The following ZNF704 variants were observed in gnomAD, a reference collection of about 807,000 sequenced individuals.
ZNF704 encodes the protein zinc finger protein 704, also known as glucocorticoid induced gene 1.
Under a neutral mutation model 44.7 loss-of-function variants are expected in ZNF704, and 10 were observed. The ratio of observed to expected loss-of-function variants is 0.22; its 90% CI spans 0.14 to 0.38. The LOEUF (loss-of-function observed/expected upper bound fraction) is 0.38, where lower values mean the gene tolerates loss of function less well. Among genes scored for constraint, ZNF704 ranks in the 10% least tolerant of loss-of-function variants. The probability of loss-of-function intolerance (pLI) is 1.00; values close to 1 mark genes in which losing one functional copy is unlikely to be tolerated. For missense variants in ZNF704, 390 were observed against 545.5 expected (o/e 0.71, Z 2.84); for synonymous variants, 211 against 207.6 (o/e 1.02, Z -0.14).
intron 7 of ZNF704, among the ~76,000 whole-genome samples, chr8:80,658,054 AG>A (rs1486757260): frequency 2.0e-5 from 3 of 152,178 alleles, no homozygotes; most frequent in Non-Finnish European, 2.9e-5. Context: ...GCTAGTAAAG[AG>A]CCCCTCAGAG....
At chr8:80,695,074 T>C (rs969289941) in intron 2 of ZNF704, among the ~76,000 whole-genome samples, 1 of 152,242 alleles carries the variant, frequency 6.6e-6, no homozygotes, top group Non-Finnish European at 1.5e-5. Flanking sequence ...ATCCCTGTAC[T>C]TGGGAGTAAA....
rs1197889257 is a variant in ZNF704 at position 80,684,654 on chromosome 8, T to G, written c.558+2572A>C. ...CTTTTGAAACATGATTTTTTAAATC[T>G]CTAAAATAACTGTATTACAGTTACT... On this transcript the variant is annotated intron_variant, in intron 4 of 8. Transcript: ENST00000327835. Among the ~76,000 whole-genome samples, 3 of 152,210 alleles carry G rather than the reference T, an allele frequency of 2.0e-5. No homozygotes were observed. The East Asian group carries it at 5.8e-4, about 29-fold the overall frequency.
At chr8:80,693,542 T>A (rs1015093895) in intron 2 of ZNF704, among the ~76,000 whole-genome samples, 13 of 152,216 alleles carry the variant, frequency 8.5e-5, no homozygotes, top group African/African-American at 2.9e-4. Context: ...CAGGCTAACG[T>A]GACAGTGCCT....
intron 7 of ZNF704, among the ~76,000 whole-genome samples, chr8:80,645,455 T>C: frequency 6.6e-6 from 1 of 152,182 alleles, no homozygotes; most frequent in East Asian, 1.9e-4. Context: ...TGTGTGTCTC[T>C]GCCTGAATTT....
intron 1 of ZNF704, among the ~76,000 whole-genome samples, chr8:80,837,147 C>T (rs1381944798): frequency 6.6e-6 from 1 of 151,972 alleles, no homozygotes; most frequent in East Asian, 1.9e-4. Context: ...TCACAGAATC[C>T]CTCAGGCTAA....
At chr8:80,817,620 A>C (rs1309106312) in intron 2 of ZNF704, among the ~76,000 whole-genome samples, 1 of 152,186 alleles carries the variant, frequency 6.6e-6, no homozygotes, top group Non-Finnish European at 1.5e-5. Context: ...ACACATCTGG[A>C]TTAATAACTT....
Position 80,838,732 on chromosome 8 carries a change from T to TGGAGGAGGAGGA in ZNF704, c.-21-17129_-21-17118dup, listed in dbSNP as rs140901931. Among the ~76,000 whole-genome samples the TGGAGGAGGAGGA allele has an allele frequency of 2.2e-3, 288 of 128,158 alleles. 1 individual carries two copies. Among genetic ancestry groups the TGGAGGAGGAGGA allele is most frequent in the African/African-American group, 8.4e-3 (279 of 33,256 alleles). 84.1% of individuals were successfully genotyped at this position (128,158 alleles called of 152,430 possible). ...GGAGGAGGAAGAGGGGAGCAGACAC[T>TGGAGGAGGAGGA]GGAGGAGGAGGAGGAGGAGGAGGAG... On this transcript the variant is annotated intron_variant, in intron 1 of 8. Transcript: ENST00000327835.
intron 1 of ZNF704, among the ~76,000 whole-genome samples, chr8:80,871,130 T>C (rs1809245534): frequency 6.6e-6 from 1 of 152,206 alleles, no homozygotes; most frequent in Non-Finnish European, 1.5e-5. Context: ...CCTTGGTCTG[T>C]GTAGTGACAG....
chr8:80,708,606 G>C (rs1818932919), intron 2 of ZNF704, among the ~76,000 whole-genome samples: 1 of 152,204 alleles, frequency 6.6e-6, no homozygotes, highest in Non-Finnish European at 1.5e-5. Flanking sequence ...ATAGCTATCA[G>C]GTATAAATAA....
rs146548621 is a variant in ZNF704 at position 80,633,039 on chromosome 8, T to C, written c.*8327A>G. 4.3e-4 allele frequency: 65 copies of C among 152,288 alleles called. No homozygotes were observed. Among genetic ancestry groups the C allele is most frequent in the African/African-American group, 1.5e-3 (62 of 41,562 alleles). The allele number at this position is 152,288 out of a possible 1,614,324, so 9.4% of individuals were successfully genotyped here. On this transcript the variant is annotated 3_prime_UTR_variant, in exon 9 of 9. Coordinates refer to ENST00000327835, the MANE Select transcript of ZNF704 (RefSeq NM_001033723.3). ...ACCTAGTAAATTAACGGGAGAAAGG[T>C]AAGATGAAATCCATTCATATATTGG...
intron 4 of ZNF704, among the ~76,000 whole-genome samples, chr8:80,674,659 C>T (rs886244946): frequency 6.6e-6 from 1 of 152,188 alleles, no homozygotes; most frequent in Non-Finnish European, 1.5e-5. Context: ...AAGAGGGATG[C>T]ACCCCAATGA....
chr8:80,768,790 G>T (rs75447191), intron 2 of ZNF704, among the ~76,000 whole-genome samples: 2,932 of 152,162 alleles, frequency 0.019, 103 homozygotes, highest in African/African-American at 0.067. Context: ...GCCTGAAATT[G>T]GCCATAGAGG....
At chr8:80,831,950 T>C (rs1438852386) in intron 1 of ZNF704, among the ~76,000 whole-genome samples, 4 of 152,216 alleles carry the variant, frequency 2.6e-5, no homozygotes. Flanking sequence ...TGTAGTCATA[T>C]TGTACTACAA....
At chr8:80,879,021 G>A (rs1434711850), upstream of ZNF704, among the ~76,000 whole-genome samples, 1 of 152,108 alleles carries the variant, frequency 6.6e-6, no homozygotes. Flanking sequence ...TCATACTGTG[G>A]GGATTATTAG....
chr8:80,828,409 G>C (rs1808415663), intron 1 of ZNF704, among the ~76,000 whole-genome samples: 1 of 152,162 alleles, frequency 6.6e-6, no homozygotes, highest in African/African-American at 2.4e-5. Context: ...ATGAGGACTG[G>C]AGAAAACCAG....
intron 2 of ZNF704, among the ~76,000 whole-genome samples, chr8:80,729,966 C>T (rs1221579046): frequency 1.3e-5 from 2 of 152,130 alleles, no homozygotes; most frequent in Non-Finnish European, 2.9e-5. Context: ...CGTGTGCTTG[C>T]CACATGTCTA....
At chr8:80,642,489 C>T (rs895248994) in intron 8 of ZNF704, among the ~76,000 whole-genome samples, 6 of 152,040 alleles carry the variant, frequency 3.9e-5, no homozygotes, top group South Asian at 2.1e-4. Flanking sequence ...TAACATACAT[C>T]GCAGGCAGGA....
chr8:80,870,625 A>C (rs1000911099), intron 1 of ZNF704, among the ~76,000 whole-genome samples: 121 of 152,076 alleles, frequency 8.0e-4, no homozygotes, highest in African/African-American at 2.9e-3. Flanking sequence ...TTTTCCTTCT[A>C]CTTATTTGGC....
At position 80,683,080 on chromosome 8, in the gene ZNF704, G is replaced by A. The variant is rs1371005633; in HGVS notation, c.558+4146C>T. On this transcript the variant is annotated intron_variant, in intron 4 of 8. Transcript: ENST00000327835. ...TTCCATAGAATTCATTTTCTCCCACGAACTCCCCGAATGGCTGTATTTAGG... is the reference window on the plus strand; with the variant it reads ...TTCCATAGAATTCATTTTCTCCCACAAACTCCCCGAATGGCTGTATTTAGG... Among the ~76,000 whole-genome samples the A allele has an allele frequency of 4.6e-5, 7 of 152,160 alleles. No individual in the cohort carries two copies. In the East Asian group the frequency reaches 7.7e-4, roughly 17 times the overall value.
Sources: gnomAD v4.1 joint callset for allele counts (sites outside exome capture counted in the v4.1 genomes callset) on GRCh38, gnomAD v4.1.1 for gene constraint, MANE v1.5 for transcripts, NCBI Gene and HGNC (gene_info 2026-07-23, HGNC 2026-07-21) for gene names.